The following TUSC3 variants were observed in gnomAD, a reference collection of about 807,000 sequenced individuals.
TUSC3 encodes tumor suppressor candidate 3.
In TUSC3, 45 loss-of-function variants were observed where a neutral mutation model predicts 44.8. That is an observed-to-expected ratio of 1.00 (90% CI 0.79 to 1.29). The LOEUF is 1.29. TUSC3 is among the 50% of genes most tolerant of loss of function. The probability of loss-of-function intolerance (pLI) is 0.00; values close to 1 mark genes in which losing one functional copy is unlikely to be tolerated. For missense variants in TUSC3, 519 were observed against 437.9 expected (o/e 1.19, Z -1.65); for synonymous variants, 212 against 152.9 (o/e 1.39, Z -2.85).
At chr8:15,449,370 T>G (rs981699690) in intron 1 of TUSC3, among the ~76,000 whole-genome samples, 3 of 152,152 alleles carry the variant, frequency 2.0e-5, no homozygotes, top group African/African-American at 7.2e-5. Flanking sequence ...GACCCTCTGA[T>G]GTCAAAAGGT....
At chr8:15,590,355 C>G (rs955474250) in intron 1 of TUSC3, among the ~76,000 whole-genome samples, 2 of 152,072 alleles carry the variant, frequency 1.3e-5, no homozygotes, top group African/African-American at 4.8e-5. Flanking sequence ...CAGGCTTCTT[C>G]TTATACAAAA....
chr8:15,820,903 G>A, the TUSC3 span, among the ~76,000 whole-genome samples: 55 of 152,226 alleles, frequency 3.6e-4, no homozygotes, highest in African/African-American at 1.3e-3. Context: ...AATGTATGTA[G>A]ATGTAATAGA....
At chr8:15,784,038 T>C in the TUSC3 span, among the ~76,000 whole-genome samples, 13 of 152,082 alleles carry the variant, frequency 8.5e-5, no homozygotes, top group African/African-American at 2.9e-4. Context: ...AAATGGGCAA[T>C]GGACCCGAGT....
chr8:15,463,634 C>A (rs78131386), intron 1 of TUSC3, among the ~76,000 whole-genome samples: 2 of 151,934 alleles, frequency 1.3e-5, no homozygotes, highest in African/African-American at 4.8e-5. Flanking sequence ...GATCATGAAG[C>A]CTTTTGATTA....
intron 2 of TUSC3, among the ~76,000 whole-genome samples, chr8:15,526,592 T>C (rs1585076383): frequency 6.6e-6 from 1 of 152,308 alleles, no homozygotes; most frequent in African/African-American, 2.4e-5. Context: ...CCCCTTTCTC[T>C]TGGCTCTCAT....
In TUSC3 at chr8:15,718,995, C is replaced by T. The variant is rs535814724; in HGVS notation, c.799-11671C>T. 3.3e-5 allele frequency among the ~76,000 whole-genome samples: 5 copies of T among 152,080 alleles called. No individual in the cohort carries two copies. In the South Asian group the frequency reaches 8.3e-4, roughly 25 times the overall value. Reference sequence around the variant, plus strand: ...GGATCAGATCACTTCTTACCACCTGCTCCAGGATAAGATCACTTCTTACCA... The same window carrying T: ...GGATCAGATCACTTCTTACCACCTGTTCCAGGATAAGATCACTTCTTACCA... On this transcript the variant is annotated intron_variant, in intron 6 of 10. Coordinates refer to ENST00000503731, the MANE Select transcript of TUSC3 (RefSeq NM_006765.4).
At chr8:15,442,312 G>T (rs973522184) in intron 1 of TUSC3, among the ~76,000 whole-genome samples, 13 of 150,816 alleles carry the variant, frequency 8.6e-5, no homozygotes, top group African/African-American at 3.2e-4. Context: ...ATCTCTAAAA[G>T]TGACTTGAGG....
chr8:15,571,728 C>T (rs952765240), intron 1 of TUSC3, among the ~76,000 whole-genome samples: 2 of 152,142 alleles, frequency 1.3e-5, no homozygotes, highest in Non-Finnish European at 2.9e-5. Flanking sequence ...CATAGTCTGA[C>T]TTTTTGCAAA....
At chr8:15,716,786 C>G (rs1810077358) in intron 6 of TUSC3, among the ~76,000 whole-genome samples, 1 of 151,946 alleles carries the variant, frequency 6.6e-6, no homozygotes, top group African/African-American at 2.4e-5. Flanking sequence ...TTTTAAAGAA[C>G]ATTTACTATA....
At position 15,623,249 on chromosome 8, in the gene TUSC3, G is replaced by A; in HGVS notation, c.308G>A (p.Arg103Lys). ...CCTCAGCGGCAGTGTTCTGTGTGCA[G>A]GTAATTTATGTAATTAAAAAATATT... ...LQPQRQCSVC[R>K]QANEEYQILA... Residue 103 changes from arginine (R) to lysine (K), a missense_variant and splice_region_variant, in exon 2 of 11, where the codon AGG (arginine) becomes AAG (lysine). By Grantham distance (26) the Arg-to-Lys change is conservative (BLOSUM62 2). Coordinates refer to ENST00000503731, the MANE Select transcript of TUSC3 (RefSeq NM_006765.4). 1 of 1,581,306 alleles carries A rather than the reference G, an allele frequency of 6.3e-7. No individual in the cohort carries two copies. The highest frequency in any genetic ancestry group is 8.6e-7 in the Non-Finnish European group (1 of 1,165,790).
intron 1 of TUSC3, among the ~76,000 whole-genome samples, chr8:15,613,848 A>T (rs1211764713): frequency 6.6e-6 from 1 of 152,068 alleles, no homozygotes; most frequent in Non-Finnish European, 1.5e-5. Flanking sequence ...GGGAATAGGG[A>T]GCTGAGATTC....
chr8:15,836,365 C>G, the TUSC3 span, among the ~76,000 whole-genome samples: 3 of 151,168 alleles, frequency 2.0e-5, no homozygotes, highest in African/African-American at 7.3e-5. Flanking sequence ...GTAATCCCAG[C>G]TACTCGGATG....
At chr8:15,445,071 G>A (rs1343363066) in intron 1 of TUSC3, among the ~76,000 whole-genome samples, 2 of 152,098 alleles carry the variant, frequency 1.3e-5, no homozygotes, top group African/African-American at 4.8e-5. Context: ...ATTCTTATTA[G>A]AAACAAAAAA....
chr8:15,760,376 C>T (rs1375834694), intron 10 of TUSC3, among the ~76,000 whole-genome samples: 2 of 152,172 alleles, frequency 1.3e-5, no homozygotes, highest in Non-Finnish European at 2.9e-5. Flanking sequence ...CAGTTAACTA[C>T]ATTCTACAAT....
chr8:15,582,156 C>T (rs1803385875), intron 1 of TUSC3, among the ~76,000 whole-genome samples: 1 of 152,216 alleles, frequency 6.6e-6, no homozygotes, highest in African/African-American at 2.4e-5. Flanking sequence ...AATGCCTCGC[C>T]CTGCTTCGGC....
intron 7 of TUSC3, among the ~76,000 whole-genome samples, chr8:15,731,251 G>C (rs957214441): frequency 6.6e-6 from 1 of 152,030 alleles, no homozygotes; most frequent in Non-Finnish European, 1.5e-5. Context: ...GATGAAGAAT[G>C]TAACAGGATA....
chr8:15,594,995 CA>C (rs1225496301), intron 1 of TUSC3, among the ~76,000 whole-genome samples: 2 of 152,030 alleles, frequency 1.3e-5, no homozygotes, highest in Non-Finnish European at 2.9e-5. Flanking sequence ...TACTTCGGGG[CA>C]ATATGATACT....
the TUSC3 span, among the ~76,000 whole-genome samples, chr8:15,827,994 CTTTTTTTT>C: frequency 7.2e-6 from 1 of 138,150 alleles, no homozygotes; most frequent in Non-Finnish European, 1.5e-5. Flanking sequence ...AATTTGGTAT[CTTTTTTTT>C]TTTTTTTTTG....
chr8:15,483,769 C>T (rs1037243128), intron 2 of TUSC3, among the ~76,000 whole-genome samples: 1 of 148,422 alleles, frequency 6.7e-6, no homozygotes, highest in Non-Finnish European at 1.5e-5. Flanking sequence ...CATTCTCCTG[C>T]CTCAGCCTCC....
Sources: gnomAD v4.1 joint callset for allele counts (sites outside exome capture counted in the v4.1 genomes callset) on GRCh38, gnomAD v4.1.1 for gene constraint, MANE v1.5 for transcripts, NCBI Gene and HGNC (gene_info 2026-07-23, HGNC 2026-07-21) for gene names.